NEK10: variants seen among roughly 807,000 people sequenced by gnomAD.
The protein encoded by NEK10 is serine/threonine-protein kinase Nek10.
NEK10 carries 122 observed loss-of-function variants against 159.8 expected under a neutral mutation model. That is an observed-to-expected ratio of 0.76 (90% CI 0.66 to 0.89). The LOEUF (loss-of-function observed/expected upper bound fraction) is 0.89, where lower values mean the gene tolerates loss of function less well. Among genes scored for constraint, NEK10 ranks in the 40% least tolerant of loss-of-function variants. NEK10 has a pLI of 0.00. For synonymous variants in NEK10, 466 were observed against 457.1 expected (o/e 1.02, Z -0.25); for missense variants, 1,342 against 1,323.1 (o/e 1.01, Z -0.22).
intron 30 of NEK10, among the ~76,000 whole-genome samples, chr3:27,158,388 T>C (rs975625457): frequency 6.6e-6 from 1 of 152,232 alleles, no homozygotes; most frequent in Non-Finnish European, 1.5e-5. Flanking sequence ...AAGTACTTTA[T>C]GTTAATAATT....
chr3:27,151,679 A>G (rs1051773540), intron 30 of NEK10, among the ~76,000 whole-genome samples: 8 of 152,176 alleles, frequency 5.3e-5, no homozygotes, highest in African/African-American at 1.9e-4. Flanking sequence ...CCTGAAAAAG[A>G]ATTCAGGAGG....
intron 23 of NEK10, among the ~76,000 whole-genome samples, chr3:27,247,011 C>T (rs890264101): frequency 6.6e-6 from 1 of 152,198 alleles, no homozygotes; most frequent in Middle Eastern, 3.4e-3. Context: ...GTGGAGTCGT[C>T]AGGTTTTTCC....
intron 22 of NEK10, among the ~76,000 whole-genome samples, chr3:27,264,363 C>T (rs1247634044): frequency 6.6e-6 from 1 of 152,100 alleles, no homozygotes; most frequent in Non-Finnish European, 1.5e-5. Context: ...GAACAAGAGC[C>T]TCATGAACAC....
chr3:27,128,255 T>A (rs1942202640), intron 32 of NEK10, among the ~76,000 whole-genome samples: 1 of 152,178 alleles, frequency 6.6e-6, no homozygotes, highest in South Asian at 2.1e-4. Context: ...GGGCTGTAAT[T>A]TGCTGACTTC....
intron 28 of NEK10, among the ~76,000 whole-genome samples, 184 bp from the exon 29 acceptor site, chr3:27,172,057 G>T (rs1466700758): frequency 6.6e-6 from 1 of 151,908 alleles, no homozygotes; most frequent in Admixed American, 6.6e-5. Flanking sequence ...AAAGGTTCTC[G>T]GCCGGGTGTG....
intron 23 of NEK10, among the ~76,000 whole-genome samples, chr3:27,215,175 CATAAAG>C (rs1009119091): frequency 2.6e-5 from 4 of 152,324 alleles, no homozygotes; most frequent in African/African-American, 9.6e-5. Flanking sequence ...TCTCTGAACA[CATAAAG>C]ATAATCCTTT....
intron 14 of NEK10, 96 bp from the exon 15 acceptor site, chr3:27,295,786 G>C: frequency 7.2e-7 from 1 of 1,382,356 alleles, no homozygotes; most frequent in Non-Finnish European, 9.4e-7. Context: ...TAATATCAAA[G>C]AAGAAATATT....
chr3:27,287,217 A>G (rs1300801077), intron 20 of NEK10, among the ~76,000 whole-genome samples: 1 of 151,990 alleles, frequency 6.6e-6, no homozygotes, highest in Non-Finnish European at 1.5e-5. Context: ...ATACCTGCAG[A>G]AAGCAAGCCT....
At chr3:27,266,892 G>A (rs189579596) in intron 22 of NEK10, among the ~76,000 whole-genome samples, 1 of 152,250 alleles carries the variant, frequency 6.6e-6, no homozygotes, top group East Asian at 1.9e-4. Context: ...TCCCCTAGAG[G>A]CAGCTTCGTA....
Position 27,297,240 on chromosome 3 carries a change from G to A in NEK10, c.1169C>T (p.Ala390Val). ...IQENTFSLQA[A>V]CCAALTELVL... is the part of the protein sequence containing the mutation. Reference sequence around the variant, plus strand: ...CAGCTCAGTGAGGGCAGCACAGCAGGCTGGAATGACAACAATCAAATGCAT... The same window carrying A: ...CAGCTCAGTGAGGGCAGCACAGCAGACTGGAATGACAACAATCAAATGCAT... Residue 390 changes from alanine to valine, a missense_variant and splice_region_variant, in exon 14 of 36, where the codon GCC becomes GTC. By Grantham distance (64) the Ala-to-Val change is moderately conservative. Transcript: ENST00000691995. 6.2e-7 allele frequency: 1 copy of A among 1,609,762 alleles called. No individual in the cohort carries two copies. Among genetic ancestry groups the A allele is most frequent in the Non-Finnish European group, 8.5e-7 (1 of 1,176,140 alleles).
intron 33 of NEK10, among the ~76,000 whole-genome samples, chr3:27,118,451 G>T (rs901465594): frequency 6.6e-6 from 1 of 152,238 alleles, no homozygotes; most frequent in South Asian, 2.1e-4. Context: ...AGAGAAGAGA[G>T]AATGGGTTTA....
At chr3:27,338,860 C>T (rs552755314) in intron 5 of NEK10, among the ~76,000 whole-genome samples, 5 of 152,016 alleles carry the variant, frequency 3.3e-5, no homozygotes, top group Admixed American at 6.6e-5. Context: ...AAATTTTCTC[C>T]CATTCTGTAG....
chr3:27,315,702 C>T (rs1324027573), intron 6 of NEK10, among the ~76,000 whole-genome samples: 4 of 152,164 alleles, frequency 2.6e-5, no homozygotes, highest in Non-Finnish European at 5.9e-5. Context: ...CAGGAGTGCT[C>T]TTTGCTGAGC....
intron 23 of NEK10, among the ~76,000 whole-genome samples, chr3:27,231,813 G>C (rs1214441195): frequency 2.0e-5 from 3 of 151,544 alleles, no homozygotes; most frequent in Non-Finnish European, 4.4e-5. Flanking sequence ...ACTCTGAACA[G>C]ACCAATAACA....
chr3:27,273,230 T>C (rs1034044228), intron 22 of NEK10, among the ~76,000 whole-genome samples: 4 of 152,178 alleles, frequency 2.6e-5, no homozygotes, highest in Admixed American at 2.6e-4. Context: ...ACCTCTCTCA[T>C]AATTGCCCAA....
chr3:27,365,610 GTTT>G (rs71091129), intron 1 of NEK10, among the ~76,000 whole-genome samples: 17,903 of 99,358 alleles, frequency 0.18, 1,418 homozygotes, highest in Middle Eastern at 0.27. Context: ...TTTTTTTTGT[GTTT>G]TTTTTTTTTT....
At chr3:27,188,873 T>C (rs1948859813) in intron 26 of NEK10, among the ~76,000 whole-genome samples, 1 of 152,198 alleles carries the variant, frequency 6.6e-6, no homozygotes, top group Non-Finnish European at 1.5e-5. Flanking sequence ...CAGTAGACTC[T>C]TCAGAAATGT....
chr3:27,265,968 G>A (rs578058497), intron 22 of NEK10, among the ~76,000 whole-genome samples: 20 of 151,826 alleles, frequency 1.3e-4, no homozygotes, highest in East Asian at 9.7e-4. Flanking sequence ...CACCACGCCC[G>A]GCTAATTTTT....
chr3:27,240,660 T>C (rs1954447613), intron 23 of NEK10, among the ~76,000 whole-genome samples: 1 of 151,348 alleles, frequency 6.6e-6, no homozygotes, highest in South Asian at 2.1e-4. Context: ...TCATCTTTTT[T>C]TTTTTTTTTG....
Sources: gnomAD v4.1 joint callset for allele counts (sites outside exome capture counted in the v4.1 genomes callset) on GRCh38, gnomAD v4.1.1 for gene constraint, MANE v1.5 for transcripts, NCBI Gene and HGNC (gene_info 2026-07-23, HGNC 2026-07-21) for gene names.